Variants in RAB8B observed in about 807,000 individuals in gnomAD.
RAB8B encodes RAB8B, member RAS oncogene family, also known as ras-related protein Rab-8B.
RAB8B carries 11 observed loss-of-function variants against 32.0 expected under a neutral mutation model. The observed-to-expected ratio is 0.34, with a 90% CI of 0.22 to 0.57. The LOEUF (loss-of-function observed/expected upper bound fraction) is 0.57. RAB8B is among the 20% of genes least tolerant of loss of function. The pLI, the probability that RAB8B is intolerant of heterozygous loss-of-function variation, is 0.86. For synonymous variants in RAB8B, 103 were observed against 89.6 expected, an observed-to-expected ratio of 1.15 and a Z score of -0.85; for missense variants, 190 against 258.5, an observed-to-expected ratio of 0.73 and a Z score of 1.82.
intron 1 of RAB8B, among the ~76,000 whole-genome samples, chr15:63,232,695 AG>A (rs1429108026): frequency 6.6e-6 from 1 of 152,136 alleles, no homozygotes; most frequent in Non-Finnish European, 1.5e-5. Flanking sequence ...TTAGTTTATC[AG>A]GTTTTTTTTT....
At chr15:63,208,589 T>C (rs571904093) in intron 1 of RAB8B, among the ~76,000 whole-genome samples, 1 of 152,168 alleles carries the variant, frequency 6.6e-6, no homozygotes, top group Non-Finnish European at 1.5e-5. Context: ...ATTTTACTAA[T>C]TCACAAAATT....
In RAB8B at chr15:63,248,147, G is replaced by T. The variant is rs1170546804; in HGVS notation, c.186-1498G>T. ...CTAATGCCGATCAAAGAAAATGACAGGATAAGATGGCTTTTTTGTAAGGCC... is the reference window on the plus strand; with the variant it reads ...CTAATGCCGATCAAAGAAAATGACATGATAAGATGGCTTTTTTGTAAGGCC... On this transcript the variant is annotated intron_variant, in intron 2 of 7. Coordinates refer to ENST00000321437, the MANE Select transcript of RAB8B (RefSeq NM_016530.3). This position sits in a 1 kb window ranked among gnomAD's most constrained non-coding sequence, Gnocchi z 4.4. 1.3e-5 allele frequency among the ~76,000 whole-genome samples: 2 copies of T among 152,226 alleles called. No individual in the cohort carries two copies. Among genetic ancestry groups the T allele is most frequent in the Non-Finnish European group, 1.5e-5 (1 of 68,048 alleles).
rs1196434267 is a variant in RAB8B at position 63,259,580 on chromosome 15, G to C, written c.415-47G>C. ...CCTAAGAAATACAAATGCATTATGT[G>C]TTCAAGTATCTTTTGCTAAATTTAA... On this transcript the variant is annotated intron_variant, in intron 5 of 7. Transcript: ENST00000321437. This position sits in a 1 kb window ranked among gnomAD's most constrained non-coding sequence, Gnocchi z 4.4. The C allele has an allele frequency of 6.6e-7, 1 of 1,516,760 alleles. No individual in the cohort carries two copies. The highest frequency in any genetic ancestry group is 2.3e-5 in the East Asian group (1 of 44,162). 94.0% of individuals were successfully genotyped at this position (1,516,760 alleles called of 1,614,324 possible). A position where few individuals can be genotyped will look rare whatever the true frequency, so the allele number is the denominator to read the frequency against.
rs1480103611 is a variant in RAB8B at position 63,257,985 on chromosome 15, C to A, written c.414+1391C>A. 2.6e-5 allele frequency among the ~76,000 whole-genome samples: 4 copies of A among 151,382 alleles called. No homozygotes were observed. In the East Asian group the frequency reaches 7.9e-4, roughly 30 times the overall value. On this transcript the variant is annotated intron_variant, in intron 5 of 7. Transcript: ENST00000321437. Reference sequence around the variant, plus strand: ...GGCTGAGGCAGGAGAATCACTTGAACCCAGGAGGCGGAGGTTGCAGTGAGC... The same window carrying A: ...GGCTGAGGCAGGAGAATCACTTGAAACCAGGAGGCGGAGGTTGCAGTGAGC...
chr15:63,229,023 A>G (rs938079680), intron 1 of RAB8B, among the ~76,000 whole-genome samples: 4 of 152,254 alleles, frequency 2.6e-5, no homozygotes, highest in Admixed American at 2.6e-4. Flanking sequence ...ATGGTTGCAG[A>G]CAGTGCATTT....
Position 63,266,381 on chromosome 15 carries a change from T to A in RAB8B, c.*2762T>A, listed in dbSNP as rs188236419. 6.5e-6 allele frequency: 1 copy of A among 152,716 alleles called. No homozygotes were observed. Among genetic ancestry groups the A allele is most frequent in the East Asian group, 1.9e-4 (1 of 5,194 alleles). 9.5% of individuals were successfully genotyped at this position (152,716 alleles called of 1,614,324 possible). ...GAACTTATTTTAGCTATATTTTACTTCAGACAGATTATGATACAATAATCT... is the reference window on the plus strand; with the variant it reads ...GAACTTATTTTAGCTATATTTTACTACAGACAGATTATGATACAATAATCT... On this transcript the variant is annotated 3_prime_UTR_variant, in exon 8 of 8. Transcript: ENST00000321437.
Position 63,263,613 on chromosome 15 carries a change from A to G in RAB8B, c.618A>G (p.Leu206=). 6.2e-7 allele frequency: 1 copy of G among 1,602,302 alleles called. No individual in the cohort carries two copies. The highest frequency in any genetic ancestry group is 8.6e-7 in the Non-Finnish European group (1 of 1,169,280). The part of the protein sequence containing the change: ...SKKTSFFRCS[L]L Reference sequence around the variant, plus strand: ...AGACCAGTTTCTTTCGTTGCTCGCTACTTTGATGAACTCTTTCTGAGAGAC... The same window carrying G: ...AGACCAGTTTCTTTCGTTGCTCGCTGCTTTGATGAACTCTTTCTGAGAGAC... The change falls in exon 8 of 8, where the codon CTA becomes CTG. Residue 206 remains leucine (L), a synonymous_variant. Coordinates refer to ENST00000321437, the MANE Select transcript of RAB8B (RefSeq NM_016530.3).
chr15:63,226,868 C>A (rs2037892773), intron 1 of RAB8B, among the ~76,000 whole-genome samples: 1 of 152,064 alleles, frequency 6.6e-6, no homozygotes, highest in Non-Finnish European at 1.5e-5. Context: ...CAGCTGGTTG[C>A]CCATTTTTAT....
chr15:63,258,947 G>C (rs957528419), intron 5 of RAB8B, among the ~76,000 whole-genome samples: 10 of 152,180 alleles, frequency 6.6e-5, no homozygotes, highest in African/African-American at 2.4e-4. Flanking sequence ...GGCATGGAAG[G>C]CTGGGGTTTT....
chr15:63,232,514 T>C (rs138471407), intron 1 of RAB8B, among the ~76,000 whole-genome samples: 145 of 152,330 alleles, frequency 9.5e-4, no homozygotes, highest in Non-Finnish European at 1.7e-3. Flanking sequence ...AAGAATTGAA[T>C]TTAATTTAGT....
intron 1 of RAB8B, among the ~76,000 whole-genome samples, chr15:63,214,982 A>G (rs968489543): frequency 6.6e-6 from 1 of 152,142 alleles, no homozygotes; most frequent in Non-Finnish European, 1.5e-5. Flanking sequence ...TGGAGTCAGG[A>G]GTTTGCAATC....
chr15:63,256,634 A>G (rs371370964), intron 5 of RAB8B, 40 bp downstream of exon 5: 9 of 1,362,268 alleles, frequency 6.6e-6, no homozygotes, highest in African/African-American at 1.5e-5. Flanking sequence ...GAATCTACTC[A>G]CATTAAGCAT....
At chr15:63,260,479 T>A (rs2038193624) in intron 6 of RAB8B, among the ~76,000 whole-genome samples, 1 of 152,228 alleles carries the variant, frequency 6.6e-6, no homozygotes, top group Non-Finnish European at 1.5e-5. Flanking sequence ...AATAGGAAAG[T>A]GTTTATCAGG....
intron 3 of RAB8B, among the ~76,000 whole-genome samples, chr15:63,251,907 G>A (rs1444405): frequency 0.39 from 59,461 of 151,720 alleles, 12,005 homozygotes; most frequent in South Asian, 0.52. Flanking sequence ...GTTTAGTTTG[G>A]CTGATTCAGG....
At chr15:63,254,948 A>T (rs28566101) in intron 3 of RAB8B, among the ~76,000 whole-genome samples, 4,875 of 152,266 alleles carry the variant, frequency 0.032, 227 homozygotes, top group African/African-American at 0.1. Context: ...CTTTAAAAAT[A>T]TGATGAGAAT....
chr15:63,192,891 C>T (rs2037569481), intron 1 of RAB8B, among the ~76,000 whole-genome samples: 1 of 152,088 alleles, frequency 6.6e-6, no homozygotes, highest in African/African-American at 2.4e-5. Flanking sequence ...GCCAGGAGTT[C>T]AAGACCAGCC....
intron 1 of RAB8B, among the ~76,000 whole-genome samples, chr15:63,203,661 T>C (rs2141111231): frequency 6.6e-6 from 1 of 152,366 alleles, no homozygotes; most frequent in Non-Finnish European, 1.5e-5. Context: ...GGCATTAACA[T>C]TATTCATGGA....
chr15:63,251,749 G>C (rs1314510516), intron 3 of RAB8B, among the ~76,000 whole-genome samples: 3 of 152,084 alleles, frequency 2.0e-5, no homozygotes. Context: ...CTGGCTGAAG[G>C]GGTGAATCAG....
At chr15:63,215,177 C>T (rs1483236541) in intron 1 of RAB8B, among the ~76,000 whole-genome samples, 1 of 152,224 alleles carries the variant, frequency 6.6e-6, no homozygotes, top group African/African-American at 2.4e-5. Flanking sequence ...CCTTTCTCTA[C>T]TGGGATTTAG....
Sources: allele counts gnomAD v4.1 joint callset (sites outside exome capture counted in the v4.1 genomes callset), GRCh38; gene constraint gnomAD v4.1.1; non-coding constraint Gnocchi (gnomAD v3.1); transcripts MANE v1.5; gene names NCBI Gene and HGNC (gene_info 2026-07-23, HGNC 2026-07-21).